The following BRD8 variants were observed in gnomAD, a reference collection of about 807,000 sequenced individuals.
The protein encoded by BRD8 is bromodomain-containing protein 8.
In BRD8, 67 loss-of-function variants were observed where a neutral mutation model predicts 143.1. The ratio of observed to expected loss-of-function variants is 0.47; its 90% CI spans 0.38 to 0.57. The LOEUF (loss-of-function observed/expected upper bound fraction) is 0.57, where lower values mean the gene tolerates loss of function less well. Among genes scored for constraint, BRD8 ranks in the 20% least tolerant of loss-of-function variants. The probability of loss-of-function intolerance (pLI) is 0.00; values close to 1 mark genes in which losing one functional copy is unlikely to be tolerated. For synonymous variants in BRD8, 505 were observed against 517.1 expected, an observed-to-expected ratio of 0.98 and a Z score of 0.32; for missense variants, 1,103 against 1,503.0, an observed-to-expected ratio of 0.73 and a Z score of 4.40.
Position 138,171,075 on chromosome 5 carries a change from G to A in BRD8, c.322C>T (p.Leu108=), listed in dbSNP as rs768440667. 7 of 1,613,022 alleles carry A rather than the reference G, an allele frequency of 4.3e-6. No individual in the cohort carries two copies. The South Asian group carries it at 6.6e-5, about 15-fold the overall frequency. ...RKLTAERVEE[L]KKVIKETQER... The stretch of plus-strand genomic sequence containing the variant: ...TGGGTTTCCTTTATCACTTTCTTTA[G>A]TTCTTCAACTCGCTCAGCAGTCAAT... The change falls in exon 5 of 27, where the codon CTA becomes TTA. Residue 108 remains leucine (L), a synonymous_variant. Transcript: ENST00000254900.
chr5:138,166,944 A>G (rs1283891085), intron 9 of BRD8: 1 of 475,770 alleles, frequency 2.1e-6, no homozygotes, highest in Non-Finnish European at 3.8e-6. Flanking sequence ...CACACAACAT[A>G]TATAAAAAAT....
intron 15 of BRD8, 45 bp from the exon 16 acceptor site, chr5:138,162,191 TA>T (rs1466256910): frequency 2.1e-6 from 3 of 1,418,072 alleles, no homozygotes; most frequent in Admixed American, 4.0e-5. Context: ...AGTTAAAAAA[TA>T]AAAATTATAA....
chr5:138,173,066 A>G (rs1056219568), intron 2 of BRD8, among the ~76,000 whole-genome samples: 1 of 152,170 alleles, frequency 6.6e-6, no homozygotes, highest in African/African-American at 2.4e-5. Context: ...TGCTGATAAA[A>G]TAATAAAATT....
At chr5:138,155,991 C>T (rs1162975101) in intron 20 of BRD8, among the ~76,000 whole-genome samples, 1 of 151,582 alleles carries the variant, frequency 6.6e-6, no homozygotes, top group Non-Finnish European at 1.5e-5. Context: ...CCTCCAGCCA[C>T]AGCTTCCCGA....
chr5:138,156,984 ATC>A (rs1752644443), intron 20 of BRD8: 7 of 1,364,428 alleles, frequency 5.1e-6, no homozygotes, highest in Non-Finnish European at 6.6e-6. Context: ...ACTAGCTACG[ATC>A]TGCTAGCTAC....
At chr5:138,167,704 T>C in intron 9 of BRD8, 1 of 487,388 alleles carries the variant, frequency 2.1e-6, no homozygotes, top group South Asian at 2.3e-5. Context: ...AGTTCAATAT[T>C]ACTCTCAATA....
At chr5:138,153,300 C>G (rs1476149561) in intron 20 of BRD8, among the ~76,000 whole-genome samples, 1 of 152,088 alleles carries the variant, frequency 6.6e-6, no homozygotes, top group African/African-American at 2.4e-5. Context: ...ATATATCTTC[C>G]CTTGCTCTCA....
intron 9 of BRD8, 179 bp downstream of exon 9, chr5:138,167,755 T>C (rs141282659): frequency 5.0e-6 from 3 of 594,508 alleles, no homozygotes; most frequent in East Asian, 2.9e-5. Context: ...ATCTTGAAGA[T>C]AGATGGCTTT....
At chr5:138,178,267 G>C (rs913785520) in intron 1 of BRD8, among the ~76,000 whole-genome samples, 2 of 152,196 alleles carry the variant, frequency 1.3e-5, no homozygotes, top group East Asian at 3.8e-4. Context: ...GGCTCTTTGA[G>C]GTGCCGGTTA....
At chr5:138,155,272 C>T (rs997453609) in intron 20 of BRD8, among the ~76,000 whole-genome samples, 3 of 151,530 alleles carry the variant, frequency 2.0e-5, no homozygotes, top group African/African-American at 7.3e-5. Context: ...CATGGAGAAA[C>T]CCCACCTCTA....
intron 10 of BRD8, 22 bp from the exon 11 acceptor site, chr5:138,166,130 G>GC: frequency 6.3e-7 from 1 of 1,592,082 alleles, no homozygotes; most frequent in South Asian, 1.1e-5. Context: ...AAAGAGAAAA[G>GC]CATCTCAGAA....
At chr5:138,149,212 G>A (rs1041420325) in intron 23 of BRD8, among the ~76,000 whole-genome samples, 5 of 151,964 alleles carry the variant, frequency 3.3e-5, no homozygotes, top group Admixed American at 6.6e-5. Context: ...CCTGGGCTCA[G>A]GTGATCCTCC....
chr5:138,162,416 G>A (rs4510573), intron 15 of BRD8, among the ~76,000 whole-genome samples: 43,638 of 151,658 alleles, frequency 0.29, 7,372 homozygotes, highest in South Asian at 0.43. Flanking sequence ...GGCTGGTCTC[G>A]AACTCCTGGG....
chr5:138,147,235 C>T (rs1475359724), intron 23 of BRD8, among the ~76,000 whole-genome samples: 1 of 149,876 alleles, frequency 6.7e-6, no homozygotes, highest in Non-Finnish European at 1.5e-5. Context: ...AGTTCAAGAC[C>T]CAGCTTGGGC....
In BRD8 at chr5:138,169,289, G is replaced by A. The variant is rs1322126167; in HGVS notation, c.575C>T (p.Ala192Val). 3 of 1,614,068 alleles carry A rather than the reference G, an allele frequency of 1.9e-6. No homozygotes were observed. The Middle Eastern group carries it at 5.0e-4, about 266-fold the overall frequency. The change falls in exon 8 of 27, where the codon GCC (alanine) becomes GTC (valine). Residue 192 changes from alanine to valine, a missense_variant. Ala to Val is a moderately conservative substitution (Grantham distance 64, BLOSUM62 0). Transcript: ENST00000254900. ...AAGTGGATAATCACCTCCTGGGGAG[G>A]CAGAATCTATAGGAGAGCGAACCAT... ...TVMVRSPIDSASPGGDYPLGD... is the reference protein window; with the variant it reads ...TVMVRSPIDSVSPGGDYPLGD...
At position 138,149,811 on chromosome 5, in the gene BRD8, G is replaced by A; in HGVS notation, c.3121-14C>T. On this transcript the variant is annotated splice_polypyrimidine_tract_variant and intron_variant, in intron 22 of 26. Coordinates refer to ENST00000254900, the MANE Select transcript of BRD8 (RefSeq NM_139199.2). ...CTGAGCCTCCCCCTAGGAATGCCAG[G>A]AAACAGGAAACTTTAGAAGGAGATT... The A allele has an allele frequency of 1.3e-6, 2 of 1,586,948 alleles. No individual in the cohort carries two copies. Among genetic ancestry groups the A allele is most frequent in the African/African-American group, 2.7e-5 (2 of 73,404 alleles).
intron 6 of BRD8, 153 bp downstream of exon 6, chr5:138,170,679 C>A (rs187796423): frequency 3.9e-6 from 3 of 760,576 alleles, no homozygotes; most frequent in Non-Finnish European, 6.9e-6. Context: ...ACTCACTCCC[C>A]CCTCCCAGCC....
At chr5:138,165,759 A>C (rs1334347974) in intron 11 of BRD8, 69 bp downstream of exon 11, 24 of 1,455,448 alleles carry the variant, frequency 1.6e-5, no homozygotes, top group Non-Finnish European at 2.1e-5. Context: ...CAGCAGCACC[A>C]AAGTGAGGCT....
At chr5:138,146,048 T>C (rs1229270705) in intron 23 of BRD8, among the ~76,000 whole-genome samples, 170 bp from the exon 24 acceptor site, 1 of 152,182 alleles carries the variant, frequency 6.6e-6, no homozygotes, top group Admixed American at 6.6e-5. Flanking sequence ...TATTGTTTTC[T>C]CTTTTAATTT....
Sources: gnomAD v4.1 joint callset for allele counts (sites outside exome capture counted in the v4.1 genomes callset) on GRCh38, gnomAD v4.1.1 for gene constraint, MANE v1.5 for transcripts, NCBI Gene and HGNC (gene_info 2026-07-23, HGNC 2026-07-21) for gene names.